GNAL: variants seen among roughly 807,000 people sequenced by gnomAD.
GNAL encodes guanine nucleotide-binding protein G(olf) subunit alpha.
GNAL carries 18 observed loss-of-function variants against 55.1 expected under a neutral mutation model. That is an observed-to-expected ratio of 0.33 (90% CI 0.23 to 0.48). The LOEUF (loss-of-function observed/expected upper bound fraction) is 0.48, where lower values mean the gene tolerates loss of function less well. GNAL is among the 20% of genes least tolerant of loss of function. The pLI, the probability that GNAL is intolerant of heterozygous loss-of-function variation, is 0.99. For synonymous variants in GNAL, 253 were observed against 237.0 expected (o/e 1.07, Z -0.62); for missense variants, 412 against 614.1 (o/e 0.67, Z 3.48).
Position 11,868,394 on chromosome 18 carries a change from C to T in GNAL, c.911-149C>T, listed in dbSNP as rs934809897. On this transcript the variant is annotated intron_variant, in intron 8 of 11. Transcript: ENST00000334049. The surrounding 1 kb of genome is among the most constrained non-coding windows in gnomAD (Gnocchi z 4.0). ...CGTTACTGAAGCAACCAGTGGTGCG[C>T]GGCGCACCTGCAGGCTGTTCTGTGA... is the stretch of plus-strand genomic sequence containing the variant. 12 of 618,820 alleles carry T rather than the reference C, an allele frequency of 1.9e-5. No individual in the cohort carries two copies. Among genetic ancestry groups the T allele is most frequent in the African/African-American group, 1.1e-4 (6 of 52,620 alleles). The allele number at this position is 618,820 out of a possible 1,614,324, so 38.3% of individuals were successfully genotyped here.
At chr18:11,742,077 C>G (rs1318376475) in intron 1 of GNAL, among the ~76,000 whole-genome samples, 3 of 152,184 alleles carry the variant, frequency 2.0e-5, no homozygotes, top group Non-Finnish European at 4.4e-5. Flanking sequence ...CTTTCTGTCT[C>G]TACCACATTT....
chr18:11,731,881 A>G (rs115073386), intron 1 of GNAL, among the ~76,000 whole-genome samples: 2,869 of 152,236 alleles, frequency 0.019, 77 homozygotes, highest in African/African-American at 0.059. Flanking sequence ...AACAACCATT[A>G]GTCTATTTTC....
intron 4 of GNAL, among the ~76,000 whole-genome samples, chr18:11,799,718 A>G (rs113218339): frequency 2.8e-4 from 43 of 152,324 alleles, no homozygotes; most frequent in African/African-American, 8.9e-4. Flanking sequence ...GGCCCCAGCC[A>G]TTTCAGATAA....
chr18:11,846,843 TTGTGATTACAGGCATCGGCCATCACAC>T (rs1337101432), intron 5 of GNAL, among the ~76,000 whole-genome samples: 1 of 152,006 alleles, frequency 6.6e-6, no homozygotes, highest in Non-Finnish European at 1.5e-5. Flanking sequence ...TCCCAAAGTG[TTGTGATTACAGGCATCGGCCATCACAC>T]CCAGCCCTGG....
chr18:11,774,938 A>G (rs1039079881), intron 4 of GNAL, among the ~76,000 whole-genome samples: 16 of 152,216 alleles, frequency 1.1e-4, no homozygotes, highest in African/African-American at 3.9e-4. Context: ...TACATGAGCC[A>G]TCTATCTGGA....
At chr18:11,839,773 T>C (rs1381124999) in intron 5 of GNAL, among the ~76,000 whole-genome samples, 2 of 152,154 alleles carry the variant, frequency 1.3e-5, no homozygotes, top group African/African-American at 4.8e-5. Flanking sequence ...CAGCCTCCTT[T>C]AGAGCACAAG....
Position 11,883,468 on chromosome 18 carries a change from AACTTTTATCTGGCTTACAATTATTAAAGC to A in GNAL, c.*2335_*2363del, listed in dbSNP as rs2036770290. 2 of 153,488 alleles carry A rather than the reference AACTTTTATCTGGCTTACAATTATTAAAGC, an allele frequency of 1.3e-5. No individual in the cohort carries two copies. Among genetic ancestry groups the A allele is most frequent in the African/African-American group, 4.8e-5 (2 of 41,448 alleles). The allele number at this position is 153,488 out of a possible 1,614,324, so 9.5% of individuals were successfully genotyped here. On this transcript the variant is annotated 3_prime_UTR_variant, in exon 12 of 12. Transcript: ENST00000334049. ...TGTTAAGAAAAAAAACAAAAAGAAT[AACTTTTATCTGGCTTACAATTATTAAAGC>A]ATTTATTTTCAGGTACCAAAAGCCA...
chr18:11,829,376 G>A (rs1256467695), intron 5 of GNAL, among the ~76,000 whole-genome samples: 4 of 152,248 alleles, frequency 2.6e-5, no homozygotes, highest in Admixed American at 2.6e-4. Context: ...TTCCTATAGG[G>A]TCAGATTCTG....
intron 1 of GNAL, among the ~76,000 whole-genome samples, chr18:11,715,269 C>A (rs2031931123): frequency 6.7e-6 from 1 of 149,660 alleles, no homozygotes; most frequent in South Asian, 2.1e-4. Context: ...ACCATCCTGG[C>A]TAACACGGTG....
chr18:11,730,398 A>C (rs890529286), intron 1 of GNAL, among the ~76,000 whole-genome samples: 7 of 151,210 alleles, frequency 4.6e-5, no homozygotes, highest in Non-Finnish European at 7.4e-5. Context: ...GATCTCAGGT[A>C]ATCTGCCTGC....
At chr18:11,721,745 C>T (rs2032098036) in intron 1 of GNAL, among the ~76,000 whole-genome samples, 1 of 151,912 alleles carries the variant, frequency 6.6e-6, no homozygotes, top group Non-Finnish European at 1.5e-5. Context: ...CAGGTTTTCA[C>T]CATGTTGGCT....
chr18:11,790,999 A>G (rs576440990), intron 4 of GNAL, among the ~76,000 whole-genome samples: 30 of 102,858 alleles, frequency 2.9e-4, no homozygotes, highest in Non-Finnish European at 6.4e-4. Flanking sequence ...TACTTAATTT[A>G]AGAAAAACCA....
intron 5 of GNAL, 22 bp from the exon 6 acceptor site, chr18:11,862,373 C>T (rs769935649): frequency 1.2e-6 from 2 of 1,610,358 alleles, no homozygotes; most frequent in South Asian, 1.1e-5. Context: ...CAGGCCTCAA[C>T]CCTTGCTGGC....
intron 1 of GNAL, among the ~76,000 whole-genome samples, chr18:11,709,896 C>G (rs2031797364): frequency 6.6e-6 from 1 of 152,050 alleles, no homozygotes; most frequent in Non-Finnish European, 1.5e-5. Context: ...GAGGAAAAAG[C>G]TTTTGCTTTT....
chr18:11,689,836 G>T lies in GNAL; in HGVS notation c.273G>T (p.Glu91Asp). 1 of 1,537,780 alleles carries T rather than the reference G, an allele frequency of 6.5e-7. No individual in the cohort carries two copies. The stretch of plus-strand genomic sequence containing the variant: ...CCGAGGAGCGCGAGGCGGCCAAGGA[G>T]CGCGAGGCGGTCAAGGAGGCGAGGA... ...LSAEEREAAK[E>D]REAVKEARKV... is the part of the protein sequence containing the mutation. The change falls in exon 1 of 12, where the codon GAG becomes GAT. Residue 91 changes from glutamate to aspartate, a missense_variant. This residue lies in a region of GNAL where 228 missense variants were observed against 194.8 expected (regional missense o/e 1.17). Transcript: ENST00000334049.
intron 5 of GNAL, among the ~76,000 whole-genome samples, chr18:11,849,394 C>T (rs1286535168): frequency 6.6e-6 from 1 of 151,182 alleles, no homozygotes; most frequent in African/African-American, 2.4e-5. Context: ...CTCAGCTACT[C>T]GGGAGACTGA....
chr18:11,854,899 G>A (rs2035968437), intron 5 of GNAL, among the ~76,000 whole-genome samples: 1 of 152,032 alleles, frequency 6.6e-6, no homozygotes, highest in Admixed American at 6.6e-5. Context: ...GCTTTTTCTT[G>A]CATATTTCTA....
At chr18:11,699,559 G>T (rs544136196) in intron 1 of GNAL, among the ~76,000 whole-genome samples, 1 of 82,814 alleles carries the variant, frequency 1.2e-5, no homozygotes, top group South Asian at 2.6e-4. Context: ...TTTTTTTTGA[G>T]GGGGGGGGTT....
intron 4 of GNAL, among the ~76,000 whole-genome samples, chr18:11,767,478 G>T (rs1441947369): frequency 6.6e-6 from 1 of 151,544 alleles, no homozygotes; most frequent in Non-Finnish European, 1.5e-5. Flanking sequence ...TTGCATGCTT[G>T]CTCTTGCTGC....
Sources: allele counts gnomAD v4.1 joint callset (sites outside exome capture counted in the v4.1 genomes callset), GRCh38; gene constraint gnomAD v4.1.1; regional missense constraint gnomAD v4.1.1; non-coding constraint Gnocchi (gnomAD v3.1); transcripts MANE v1.5; gene names NCBI Gene and HGNC (gene_info 2026-07-23, HGNC 2026-07-21).